The following L3MBTL4 variants were observed in gnomAD, a reference collection of about 807,000 sequenced individuals.
L3MBTL4 encodes L3MBTL histone methyl-lysine binding protein 4, also known as lethal(3)malignant brain tumor-like protein 4.
L3MBTL4 carries 70 observed loss-of-function variants against 84.5 expected under a neutral mutation model. That is an observed-to-expected ratio of 0.83 (90% CI 0.68 to 1.01). The LOEUF is 1.01. Among genes scored for constraint, L3MBTL4 ranks in the 50% least tolerant of loss-of-function variants. L3MBTL4 has a pLI of 0.00. For missense variants in L3MBTL4, 715 were observed against 754.8 expected (o/e 0.95, Z 0.62); for synonymous variants, 274 against 259.8 (o/e 1.05, Z -0.52).
At chr18:5,994,512 G>A (rs1273527255) in intron 16 of L3MBTL4, among the ~76,000 whole-genome samples, 1 of 152,188 alleles carries the variant, frequency 6.6e-6, no homozygotes, top group Non-Finnish European at 1.5e-5. Flanking sequence ...GAGGGAAGCA[G>A]GTGGGGCAGG....
intron 5 of L3MBTL4, among the ~76,000 whole-genome samples, chr18:6,255,986 C>G (rs1236297596): frequency 6.6e-6 from 1 of 152,170 alleles, no homozygotes; most frequent in African/African-American, 2.4e-5. Flanking sequence ...TATATTAAAA[C>G]AGTGATAGTA....
chr18:5,958,303 A>G (rs2095244921), intron 18 of L3MBTL4, among the ~76,000 whole-genome samples: 1 of 152,168 alleles, frequency 6.6e-6, no homozygotes, highest in Non-Finnish European at 1.5e-5. Context: ...CTTCCTGTGC[A>G]TTTATGATAT....
At chr18:6,255,525 G>A (rs2048099335) in intron 5 of L3MBTL4, among the ~76,000 whole-genome samples, 1 of 152,162 alleles carries the variant, frequency 6.6e-6, no homozygotes, top group East Asian at 1.9e-4. Flanking sequence ...GAGCATGAAT[G>A]GGAATTCTTT....
At chr18:6,395,942 A>G (rs957694753) in intron 1 of L3MBTL4, 1 of 152,202 alleles carries the variant, frequency 6.6e-6, no homozygotes, top group Non-Finnish European at 1.5e-5. Context: ...TAAAACTGTC[A>G]TATTCACAAT....
chr18:6,258,093 G>T (rs1294951127), intron 5 of L3MBTL4, among the ~76,000 whole-genome samples: 1 of 152,228 alleles, frequency 6.6e-6, no homozygotes, highest in Non-Finnish European at 1.5e-5. Flanking sequence ...CTTCTTCCAG[G>T]ACCACAGGGG....
At chr18:6,364,952 ATTGT>A (rs1188048049) in intron 1 of L3MBTL4, among the ~76,000 whole-genome samples, 1 of 152,090 alleles carries the variant, frequency 6.6e-6, no homozygotes, top group African/African-American at 2.4e-5. Context: ...AATGAGGACA[ATTGT>A]TTATTTTTAA....
chr18:6,185,826 AGG>A (rs1313594318), intron 12 of L3MBTL4, among the ~76,000 whole-genome samples: 7 of 152,164 alleles, frequency 4.6e-5, no homozygotes, highest in Admixed American at 4.6e-4. Flanking sequence ...AACTGTGCTG[AGG>A]CTGCCAAATA....
intron 16 of L3MBTL4, among the ~76,000 whole-genome samples, chr18:6,023,019 C>T (rs2055340936): frequency 6.6e-6 from 1 of 152,144 alleles, no homozygotes; most frequent in African/African-American, 2.4e-5. Flanking sequence ...AAAACAAGGG[C>T]CTGTGGGATG....
intron 15 of L3MBTL4, among the ~76,000 whole-genome samples, chr18:6,092,404 T>C (rs903800730): frequency 2.6e-5 from 4 of 152,192 alleles, no homozygotes; most frequent in Non-Finnish European, 4.4e-5. Flanking sequence ...GTGATTTCAG[T>C]GGAAACTCTG....
chr18:6,156,701 G>A (rs1042272519), intron 13 of L3MBTL4, among the ~76,000 whole-genome samples: 5 of 152,206 alleles, frequency 3.3e-5, no homozygotes, highest in Non-Finnish European at 7.3e-5. Flanking sequence ...AATCTGGCGA[G>A]CCTTACTGTC....
chr18:6,107,204 G>C (rs1033428924), intron 14 of L3MBTL4, among the ~76,000 whole-genome samples: 2 of 152,168 alleles, frequency 1.3e-5, no homozygotes, highest in Non-Finnish European at 2.9e-5. Context: ...TTCCTAGTTT[G>C]CTGCAGAGGA....
chr18:6,089,065 C>T (rs915775370), intron 15 of L3MBTL4, among the ~76,000 whole-genome samples: 8 of 151,842 alleles, frequency 5.3e-5, no homozygotes, highest in Admixed American at 3.3e-4. Flanking sequence ...TTAAACAATG[C>T]TTCTGGGAGG....
intron 14 of L3MBTL4, among the ~76,000 whole-genome samples, chr18:6,107,177 G>A (rs1457265493): frequency 6.6e-6 from 1 of 152,160 alleles, no homozygotes; most frequent in African/African-American, 2.4e-5. Context: ...AATTGCTCCT[G>A]TTGCCGCCCT....
chr18:6,147,656 A>G lies in L3MBTL4; in HGVS notation c.1097-9360T>C, dbSNP rs1250757179. On this transcript the variant is annotated intron_variant, in intron 13 of 18. Transcript: ENST00000317931. ...GAAATGTGGTAAATTCCTGAAAGAG[A>G]TGAATCGATATAATAATAATACTTA... Among the ~76,000 whole-genome samples, 3 of 152,210 alleles carry G rather than the reference A, an allele frequency of 2.0e-5. No individual in the cohort carries two copies. The East Asian group carries it at 5.8e-4, about 29-fold the overall frequency.
intron 1 of L3MBTL4, among the ~76,000 whole-genome samples, chr18:6,403,864 C>T (rs1236357207): frequency 6.6e-6 from 1 of 151,790 alleles, no homozygotes; most frequent in Non-Finnish European, 1.5e-5. Context: ...CATCAGCCAA[C>T]GAGTGGATAA....
At chr18:6,369,542 G>A (rs557303223) in intron 1 of L3MBTL4, among the ~76,000 whole-genome samples, 3 of 152,252 alleles carry the variant, frequency 2.0e-5, no homozygotes, top group African/African-American at 7.2e-5. Context: ...AATAACACAG[G>A]CCATGGCTTA....
chr18:5,961,990 C>A (rs717844), intron 17 of L3MBTL4, among the ~76,000 whole-genome samples: 56,047 of 151,714 alleles, frequency 0.37, 10,627 homozygotes, highest in East Asian at 0.51. Flanking sequence ...ACTGTGCTGG[C>A]TATATATACT....
intron 13 of L3MBTL4, among the ~76,000 whole-genome samples, chr18:6,151,174 G>T (rs1235740565): frequency 6.6e-6 from 1 of 152,162 alleles, no homozygotes; most frequent in Non-Finnish European, 1.5e-5. Flanking sequence ...AATCATTTAT[G>T]TGTTCCCCAT....
chr18:6,264,009 ACCATGC>A lies in L3MBTL4; in HGVS notation c.151_156del (p.Ala51_Trp52del). 1 of 1,613,972 alleles carries A rather than the reference ACCATGC, an allele frequency of 6.2e-7. No homozygotes were observed. The highest frequency in any genetic ancestry group is 8.5e-7 in the Non-Finnish European group (1 of 1,179,814). On this transcript the variant is annotated inframe_deletion, in exon 5 of 19. Transcript: ENST00000317931. The stretch of plus-strand genomic sequence containing the variant: ...TGTTCTTTCAAGTACCACTCCCAAG[ACCATGC>A]TCCCTGTGCAGCCGCTGAAGGGACT...
Sources: gnomAD v4.1 joint callset for allele counts (sites outside exome capture counted in the v4.1 genomes callset) on GRCh38, gnomAD v4.1.1 for gene constraint, MANE v1.5 for transcripts, NCBI Gene and HGNC (gene_info 2026-07-23, HGNC 2026-07-21) for gene names.